Variants in LUC7L3 observed in about 807,000 individuals in gnomAD.
The protein encoded by LUC7L3 is luc7-like protein 3.
LUC7L3 carries 6 observed loss-of-function variants against 66.8 expected under a neutral mutation model. That is an observed-to-expected ratio of 0.09 (90% confidence interval 0.05 to 0.18). The LOEUF (loss-of-function observed/expected upper bound fraction) is 0.18, where lower values mean the gene tolerates loss of function less well. LUC7L3 is among the 10% of genes least tolerant of loss of function. LUC7L3 has a pLI of 1.00. For synonymous variants in LUC7L3, 160 were observed against 174.7 expected (o/e 0.92, Z 0.66); for missense variants, 341 against 531.1 (o/e 0.64, Z 3.52).
chr17:50,719,959 G>T, intron 1 of LUC7L3, 128 bp downstream of exon 1: 1 of 767,926 alleles, frequency 1.3e-6, no homozygotes, highest in East Asian at 3.0e-5. Context: ...CTGACCCGGT[G>T]CCCATGGAGC....
Position 50,751,030 on chromosome 17 carries a change from T to TC in LUC7L3, c.*369_*370insC. 1 of 1,442,476 alleles carries TC rather than the reference T, an allele frequency of 6.9e-7. No individual in the cohort carries two copies. Among genetic ancestry groups the TC allele is most frequent in the Non-Finnish European group, 9.0e-7 (1 of 1,105,474 alleles). 89.4% of individuals were successfully genotyped at this position (1,442,476 alleles called of 1,614,324 possible). A position where few individuals can be genotyped will look rare whatever the true frequency, so the allele number is the denominator to read the frequency against. On this transcript the variant is annotated 3_prime_UTR_variant, in exon 10 of 10. Coordinates refer to ENST00000505658, the MANE Select transcript of LUC7L3 (RefSeq NM_016424.5). The stretch of plus-strand genomic sequence containing the variant: ...TAATAAAAAGGTTGAACTGTTTTTT[T>TC]TTTTCTTTTTGGTATTAAGTCCATC...
chr17:50,735,612 C>T (rs1969933993), intron 1 of LUC7L3, among the ~76,000 whole-genome samples: 1 of 152,034 alleles, frequency 6.6e-6, no homozygotes, highest in African/African-American at 2.4e-5. Context: ...CTCAAGCAAT[C>T]CTTCTGCCTC....
chr17:50,740,861 C>T (rs528807501), intron 3 of LUC7L3, among the ~76,000 whole-genome samples: 29 of 152,180 alleles, frequency 1.9e-4, no homozygotes, highest in African/African-American at 6.5e-4. Flanking sequence ...TGCCCAGCCC[C>T]GATTTTATCC....
chr17:50,742,504 G>T (rs904643270), intron 5 of LUC7L3, among the ~76,000 whole-genome samples: 2 of 152,026 alleles, frequency 1.3e-5, no homozygotes, highest in Admixed American at 6.6e-5. Context: ...GATTACAGGT[G>T]TGCGCCACCA....
chr17:50,724,224 T>TAA, intron 1 of LUC7L3: 8 of 175,754 alleles, frequency 4.6e-5, no homozygotes, highest in South Asian at 2.5e-4. Flanking sequence ...ACAAGGACTT[T>TAA]AAAAAAAAAA....
intron 1 of LUC7L3, among the ~76,000 whole-genome samples, chr17:50,733,079 C>T (rs1214178775): frequency 2.6e-5 from 4 of 151,954 alleles, no homozygotes; most frequent in East Asian, 1.9e-4. Context: ...CTTAAACTTA[C>T]GAAACACTTA....
intron 5 of LUC7L3, among the ~76,000 whole-genome samples, chr17:50,742,167 A>C (rs1279150372): frequency 2.6e-5 from 4 of 152,330 alleles, no homozygotes; most frequent in African/African-American, 7.2e-5. Context: ...CGTTAGGGAA[A>C]TACAGATTAA....
At chr17:50,721,910 T>C (rs1179864691) in intron 1 of LUC7L3, among the ~76,000 whole-genome samples, 1 of 152,012 alleles carries the variant, frequency 6.6e-6, no homozygotes. Context: ...GGCCCTTGTT[T>C]TTTTTTTTGG....
intron 3 of LUC7L3, among the ~76,000 whole-genome samples, chr17:50,740,675 C>G (rs1479296356): frequency 6.6e-6 from 1 of 152,190 alleles, no homozygotes; most frequent in Non-Finnish European, 1.5e-5. Context: ...TCTCCTGCCT[C>G]AAACTCCCGA....
At chr17:50,726,590 T>A (rs77999311) in intron 1 of LUC7L3, among the ~76,000 whole-genome samples, 11,815 of 152,226 alleles carry the variant, frequency 0.078, 450 homozygotes, top group Non-Finnish European at 0.083. Flanking sequence ...GTTAAATTGC[T>A]TGATATGTAC....
At chr17:50,723,660 CCTT>C (rs1567854449) in intron 1 of LUC7L3, 7 of 173,764 alleles carry the variant, frequency 4.0e-5, no homozygotes, top group South Asian at 1.0e-4. Context: ...TGCCCCCCCC[CCTT>C]TTTTTTTTTG....
At chr17:50,729,792 A>G (rs561730874) in intron 1 of LUC7L3, among the ~76,000 whole-genome samples, 1 of 151,694 alleles carries the variant, frequency 6.6e-6, no homozygotes, top group South Asian at 2.1e-4. Flanking sequence ...AGGATTGGCT[A>G]TTTAGATTTT....
intron 1 of LUC7L3, among the ~76,000 whole-genome samples, chr17:50,733,288 G>T (rs1488313165): frequency 2.0e-5 from 3 of 150,782 alleles, no homozygotes; most frequent in Non-Finnish European, 4.4e-5. Flanking sequence ...CTATCACCCG[G>T]TGGTGCGATC....
Position 50,754,291 on chromosome 17 carries a change from A to G in LUC7L3, c.*3630A>G, listed in dbSNP as rs1971070231. 1 of 152,214 alleles carries G rather than the reference A, an allele frequency of 6.6e-6. No homozygotes were observed. The highest frequency in any genetic ancestry group is 2.4e-5 in the African/African-American group (1 of 41,458). The allele number at this position is 152,214 out of a possible 1,614,324, so 9.4% of individuals were successfully genotyped here. On this transcript the variant is annotated 3_prime_UTR_variant, in exon 10 of 10. Transcript: ENST00000505658. ...TAAAGACATACACAAAAGAGGAACA[A>G]TATAATTAACCTCTGTTAACTCATC... is the stretch of plus-strand genomic sequence containing the variant.
intron 3 of LUC7L3, among the ~76,000 whole-genome samples, chr17:50,740,856 A>G (rs545805147): frequency 6.6e-6 from 1 of 152,214 alleles, no homozygotes; most frequent in African/African-American, 2.4e-5. Context: ...CACCATGCCC[A>G]GCCCCGATTT....
intron 1 of LUC7L3, among the ~76,000 whole-genome samples, chr17:50,724,647 CATT>C (rs1278226174): frequency 4.4e-5 from 5 of 114,312 alleles, no homozygotes; most frequent in Non-Finnish European, 9.3e-5. Flanking sequence ...GTGTGTGTGT[CATT>C]ATATATGTTA....
intron 1 of LUC7L3, among the ~76,000 whole-genome samples, chr17:50,731,643 A>G (rs1170128069): frequency 1.3e-5 from 2 of 152,232 alleles, no homozygotes; most frequent in South Asian, 2.1e-4. Context: ...GATAATTCTG[A>G]TGTACCATTA....
chr17:50,748,343 G>A (rs1399023819), intron 9 of LUC7L3: 1 of 151,808 alleles, frequency 6.6e-6, no homozygotes, highest in African/African-American at 2.4e-5. Context: ...TTTCCAGACA[G>A]GGTCTCAGTG....
Position 50,755,630 on chromosome 17 carries a change from T to C in LUC7L3, c.*4969T>C, listed in dbSNP as rs1344005870. The C allele has an allele frequency of 6.6e-6, 1 of 152,196 alleles. No individual in the cohort carries two copies. The highest frequency in any genetic ancestry group is 6.5e-5 in the Admixed American group (1 of 15,282). 9.4% of individuals were successfully genotyped at this position (152,196 alleles called of 1,614,324 possible). ...ATTTGTCAACAGATTTAAGAATGTT[T>C]AGAAACAACAACTTTGGGAAACGGG... On this transcript the variant is annotated 3_prime_UTR_variant, in exon 10 of 10. Transcript: ENST00000505658.
Sources: allele counts gnomAD v4.1 joint callset (sites outside exome capture counted in the v4.1 genomes callset), GRCh38; gene constraint gnomAD v4.1.1; transcripts MANE v1.5; gene names NCBI Gene and HGNC (gene_info 2026-07-23, HGNC 2026-07-21).